Variants in ANO2 observed in about 807,000 individuals in gnomAD.
The protein encoded by ANO2 is anoctamin 2.
ANO2 carries 101 observed loss-of-function variants against 124.2 expected under a neutral mutation model. That is an observed-to-expected ratio of 0.81 (90% CI 0.69 to 0.96). ANO2 has a LOEUF of 0.96. Among genes scored for constraint, ANO2 ranks in the 40% least tolerant of loss-of-function variants. ANO2 has a pLI of 0.00. For missense variants in ANO2, 1,293 were observed against 1,274.5 expected (o/e 1.01, Z -0.22); for synonymous variants, 486 against 482.5 (o/e 1.01, Z -0.09).
intron 3 of ANO2, among the ~76,000 whole-genome samples, chr12:5,885,236 G>C (rs537752269): frequency 1.3e-5 from 2 of 152,332 alleles, no homozygotes; most frequent in African/African-American, 4.8e-5. Flanking sequence ...TTATTAGGAA[G>C]GAGTGAGGCT....
At chr12:5,811,336 C>G (rs919395709) in intron 7 of ANO2, among the ~76,000 whole-genome samples, 6 of 152,178 alleles carry the variant, frequency 3.9e-5, no homozygotes, top group Non-Finnish European at 7.4e-5. Context: ...ATTGTCTTGA[C>G]GTGTGCTTAA....
intron 3 of ANO2, among the ~76,000 whole-genome samples, chr12:5,860,779 C>T (rs953339572): frequency 3.3e-5 from 5 of 152,146 alleles, no homozygotes; most frequent in Non-Finnish European, 4.4e-5. Flanking sequence ...TGCAGACCGC[C>T]GTTCCCTTTC....
At position 5,879,096 on chromosome 12, in the gene ANO2, T is replaced by C. The variant is rs145500057; in HGVS notation, c.535-24955A>G. ...CTCCACTTAAAACATGGCTTGACACTGAAGCTGTCTGCATTTCCTGCTCCC... is the reference window on the plus strand; with the variant it reads ...CTCCACTTAAAACATGGCTTGACACCGAAGCTGTCTGCATTTCCTGCTCCC... On this transcript the variant is annotated intron_variant, in intron 3 of 24. Transcript: ENST00000682330. Among the ~76,000 whole-genome samples the C allele has an allele frequency of 4.6e-5, 7 of 152,322 alleles. No homozygotes were observed. The East Asian group carries it at 1.2e-3, about 25-fold the overall frequency.
intron 10 of ANO2, among the ~76,000 whole-genome samples, chr12:5,751,623 C>T (rs1951444120): frequency 6.6e-6 from 1 of 152,146 alleles, no homozygotes; most frequent in African/African-American, 2.4e-5. Context: ...AGTATACACC[C>T]ATGAGAACAT....
At chr12:5,775,016 ATG>A (rs1229022300) in intron 10 of ANO2, among the ~76,000 whole-genome samples, 3 of 152,188 alleles carry the variant, frequency 2.0e-5, no homozygotes, top group African/African-American at 7.2e-5. Context: ...TCCCCACTCT[ATG>A]CGTCAGAAAT....
rs568282904 is a variant in ANO2, at chr12:5,781,250, G to C, written c.1055+18257C>G. On this transcript the variant is annotated intron_variant, in intron 10 of 24. Coordinates refer to ENST00000682330, the MANE Select transcript of ANO2 (RefSeq NM_001364791.2). ...GACTAGCATCATGAATGTTAGAAAA[G>C]GGCTCTCATTTGGAGAAATCAGACG... Among the ~76,000 whole-genome samples, 33 of 152,346 alleles carry C rather than the reference G, an allele frequency of 2.2e-4. 1 individual carries two copies. In the South Asian group the frequency reaches 6.6e-3, roughly 31 times the overall value.
intron 15 of ANO2, among the ~76,000 whole-genome samples, chr12:5,638,797 C>T (rs11609654): frequency 0.38 from 57,916 of 151,592 alleles, 11,513 homozygotes; most frequent in East Asian, 0.66. Context: ...GTTCCTGTTG[C>T]TTTTGGTGTT....
At position 5,929,333 on chromosome 12, in the gene ANO2, C is replaced by T. The variant is rs571903481; in HGVS notation, c.23-6529G>A. On this transcript the variant is annotated intron_variant, in intron 1 of 24. Coordinates refer to ENST00000682330, the MANE Select transcript of ANO2 (RefSeq NM_001364791.2). ...CAGTCTTCCTTCCTTACTAGTCTATCTTCTTTCCTCACTCGTCTGCCTTCT... is the reference window on the plus strand; with the variant it reads ...CAGTCTTCCTTCCTTACTAGTCTATTTTCTTTCCTCACTCGTCTGCCTTCT... Among the ~76,000 whole-genome samples, 15 of 99,744 alleles carry T rather than the reference C, an allele frequency of 1.5e-4. 1 individual carries two copies. Among genetic ancestry groups the T allele is most frequent in the Admixed American group, 1.4e-3 (14 of 10,334 alleles). 65.4% of individuals were successfully genotyped at this position (99,744 alleles called of 152,430 possible).
At chr12:5,903,662 T>TGC (rs1313035679) in intron 3 of ANO2, among the ~76,000 whole-genome samples, 1 of 151,584 alleles carries the variant, frequency 6.6e-6, no homozygotes, top group Non-Finnish European at 1.5e-5. Flanking sequence ...TGTGTGTGTG[T>TGC]GTGTGTGTGT....
intron 7 of ANO2, among the ~76,000 whole-genome samples, chr12:5,824,770 C>G (rs1256394660): frequency 6.6e-6 from 1 of 152,076 alleles, no homozygotes; most frequent in East Asian, 1.9e-4. Context: ...TAGAGACATA[C>G]CCGAGACTGG....
intron 10 of ANO2, among the ~76,000 whole-genome samples, chr12:5,780,348 A>G (rs1471734564): frequency 6.6e-6 from 1 of 152,258 alleles, no homozygotes; most frequent in African/African-American, 2.4e-5. Flanking sequence ...GAAATTTTGC[A>G]CCAACCTAAC....
chr12:5,792,484 T>TA (rs1278190835), intron 10 of ANO2, among the ~76,000 whole-genome samples: 2 of 152,218 alleles, frequency 1.3e-5, no homozygotes, highest in African/African-American at 2.4e-5. Context: ...CATGTGAGGT[T>TA]TTACCATGAT....
At chr12:5,704,071 A>C (rs557896725) in intron 14 of ANO2, among the ~76,000 whole-genome samples, 10 of 152,288 alleles carry the variant, frequency 6.6e-5, no homozygotes, top group African/African-American at 2.2e-4. Flanking sequence ...TGATCTGAAA[A>C]GGATGAGTGC....
At chr12:5,838,793 G>C (rs1004988686) in intron 4 of ANO2, among the ~76,000 whole-genome samples, 17 of 152,166 alleles carry the variant, frequency 1.1e-4, no homozygotes, top group Non-Finnish European at 2.2e-4. Flanking sequence ...CAGTTGATTT[G>C]TCTGTCTGCC....
intron 10 of ANO2, among the ~76,000 whole-genome samples, chr12:5,770,051 T>C (rs1026559215): frequency 6.6e-6 from 1 of 152,186 alleles, no homozygotes; most frequent in Admixed American, 6.5e-5. Flanking sequence ...CTTGCCCAAG[T>C]TGACAAAGCC....
intron 3 of ANO2, among the ~76,000 whole-genome samples, chr12:5,891,432 T>C (rs1249629417): frequency 2.0e-5 from 3 of 152,172 alleles, no homozygotes; most frequent in Non-Finnish European, 4.4e-5. Flanking sequence ...AGGTGCAGTT[T>C]TGGGAAGTAT....
chr12:5,825,687 T>G (rs958199702), intron 7 of ANO2, among the ~76,000 whole-genome samples: 1 of 152,148 alleles, frequency 6.6e-6, no homozygotes, highest in Non-Finnish European at 1.5e-5. Flanking sequence ...ACCATCAAGA[T>G]GAAATCAGTC....
At position 5,827,786 on chromosome 12, in the gene ANO2, C is replaced by T; in HGVS notation, c.875G>A (p.Arg292Gln). Residue 292 changes from arginine (R) to glutamine (Q), a missense_variant, in exon 7 of 25, where the codon CGA becomes CAA. Coordinates refer to ENST00000682330, the MANE Select transcript of ANO2 (RefSeq NM_001364791.2). Reference protein sequence around the residue: ...HEILKRTACSRANNTMGINSL... With the variant: ...HEILKRTACSQANNTMGINSL... ...GTCCTTACCCATCGTGTTGTTGGCT[C>T]GGGAGCAGGCTGTGCGCTTCAGGAT... The T allele has an allele frequency of 6.8e-6, 11 of 1,611,628 alleles. No homozygotes were observed. The highest frequency in any genetic ancestry group is 9.3e-6 in the Non-Finnish European group (11 of 1,179,054).
At chr12:5,817,014 A>T (rs1376080862) in intron 7 of ANO2, among the ~76,000 whole-genome samples, 1 of 152,156 alleles carries the variant, frequency 6.6e-6, no homozygotes, top group East Asian at 1.9e-4. Flanking sequence ...ACAACTCAAA[A>T]ACAACAACAA....
Sources: allele counts gnomAD v4.1 joint callset (sites outside exome capture counted in the v4.1 genomes callset), GRCh38; gene constraint gnomAD v4.1.1; transcripts MANE v1.5; gene names NCBI Gene and HGNC (gene_info 2026-07-23, HGNC 2026-07-21).